BEND5: variants seen among roughly 807,000 people sequenced by gnomAD.
The protein encoded by BEND5 is BEN domain containing 5.
BEND5 carries 22 observed loss-of-function variants against 43.9 expected under a neutral mutation model. That is an observed-to-expected ratio of 0.50 (90% CI 0.36 to 0.72). The LOEUF (loss-of-function observed/expected upper bound fraction) is 0.72, where lower values mean the gene tolerates loss of function less well. Among genes scored for constraint, BEND5 ranks in the 30% least tolerant of loss-of-function variants. The pLI is 0.00. For synonymous variants in BEND5, 228 were observed against 225.9 expected, an observed-to-expected ratio of 1.01 and a Z score of -0.08; for missense variants, 428 against 550.6, an observed-to-expected ratio of 0.78 and a Z score of 2.23.
At chr1:48,772,031 C>G (rs1644861371) in intron 1 of BEND5, among the ~76,000 whole-genome samples, 1 of 152,216 alleles carries the variant, frequency 6.6e-6, no homozygotes, top group African/African-American at 2.4e-5. Flanking sequence ...TCCCTCTCCT[C>G]AAGCACAAAA....
chr1:48,773,913 T>C (rs931238090), intron 1 of BEND5, among the ~76,000 whole-genome samples: 10 of 152,198 alleles, frequency 6.6e-5, no homozygotes, highest in African/African-American at 1.9e-4. Flanking sequence ...GAGTTTTGTT[T>C]TTCCTTGAAC....
chr1:48,736,178 C>G lies in BEND5; in HGVS notation c.1108+61G>C. The G allele has an allele frequency of 6.5e-7, 1 of 1,531,162 alleles. No homozygotes were observed. The highest frequency in any genetic ancestry group is 9.0e-7 in the Non-Finnish European group (1 of 1,105,726). 94.8% of individuals were successfully genotyped at this position (1,531,162 alleles called of 1,614,324 possible). ...AATCGTTGAATTGAATTGTGCCTAA[C>G]ACATTCTTGACAGAGTAAAAGACAG... On this transcript the variant is annotated intron_variant, in intron 5 of 5. Transcript: ENST00000371833. The surrounding 1 kb of genome is among the most constrained non-coding windows in gnomAD (Gnocchi z 4.0).
chr1:48,760,242 C>G (rs1644183291), intron 2 of BEND5, among the ~76,000 whole-genome samples: 1 of 152,190 alleles, frequency 6.6e-6, no homozygotes, highest in South Asian at 2.1e-4. Context: ...ACAGCTTCTA[C>G]TGAGGGGCAG....
In BEND5 at chr1:48,776,790, G is replaced by A. The variant is rs1645114625; in HGVS notation, c.42C>T (p.Tyr14=). The A allele has an allele frequency of 2.6e-6, 4 of 1,524,922 alleles. No individual in the cohort carries two copies. Among genetic ancestry groups the A allele is most frequent in the Middle Eastern group, 1.7e-4 (1 of 5,722 alleles). 94.5% of individuals were successfully genotyped at this position (1,524,922 alleles called of 1,614,324 possible). A position where few individuals can be genotyped will look rare whatever the true frequency, so the allele number is the denominator to read the frequency against. ...FVRFLEDNVC[Y]ALPVSCVRDF... is the part of the protein sequence containing the mutation. ...CGCGCACGCACGACACGGGCAGCGC[G>A]TAGCAGACGTTGTCCTCCAGGAACC... The change falls in exon 1 of 6, where the codon TAC becomes TAT. Residue 14 remains tyrosine, a synonymous_variant. Transcript: ENST00000371833.
intron 1 of BEND5, among the ~76,000 whole-genome samples, chr1:48,771,654 A>G (rs1339485221): frequency 6.6e-6 from 1 of 152,204 alleles, no homozygotes; most frequent in Non-Finnish European, 1.5e-5. Flanking sequence ...CAAGAAAATA[A>G]ATCCTTTTGT....
At chr1:48,742,819 A>G in intron 3 of BEND5, 48 bp from the exon 4 acceptor site, 1 of 1,442,712 alleles carries the variant, frequency 6.9e-7, no homozygotes, top group South Asian at 1.5e-5. Flanking sequence ...AGGAAAATAA[A>G]AGGCAAATAT....
chr1:48,769,189 C>T (rs2148685242), intron 1 of BEND5, among the ~76,000 whole-genome samples: 1 of 152,262 alleles, frequency 6.6e-6, no homozygotes, highest in South Asian at 2.1e-4. Context: ...TGTAGGGTAA[C>T]AGTAGATGAG....
intron 1 of BEND5, among the ~76,000 whole-genome samples, chr1:48,768,647 T>G (rs76092393): frequency 6.6e-6 from 1 of 152,220 alleles, no homozygotes; most frequent in Non-Finnish European, 1.5e-5. Flanking sequence ...TAACTTCCAT[T>G]TGACATATAA....
At position 48,736,488 on chromosome 1, in the gene BEND5, C is replaced by T. The variant is rs145843040; in HGVS notation, c.895-36G>A. 370 of 1,579,052 alleles carry T rather than the reference C, an allele frequency of 2.3e-4. No individual in the cohort carries two copies. In the East Asian group the frequency reaches 3.3e-3, roughly 14 times the overall value. ...TAAGAACACCAGCACCTGTTTAGTC[C>T]GACAGGAGGGCAGTGGGAGGCTTCT... On this transcript the variant is annotated intron_variant, in intron 4 of 5. Transcript: ENST00000371833. The surrounding 1 kb of genome is among the most constrained non-coding windows in gnomAD (Gnocchi z 4.0).
chr1:48,750,671 T>C lies in BEND5; in HGVS notation c.746-7900A>G, dbSNP rs550255986. ...TCGGAACAGAGGAAGGATCCAATAA[T>C]GTTCCCTGCACAAAAACATTTCCCT... On this transcript the variant is annotated intron_variant, in intron 3 of 5. Transcript: ENST00000371833. Among the ~76,000 whole-genome samples, 64 of 152,322 alleles carry C rather than the reference T, an allele frequency of 4.2e-4. No homozygotes were observed. The South Asian group carries it at 7.5e-3, about 18-fold the overall frequency.
rs958587104 is a variant in BEND5 at position 48,727,828 on chromosome 1, G to A, written c.*58C>T. On this transcript the variant is annotated 3_prime_UTR_variant, in exon 6 of 6. Coordinates refer to ENST00000371833, the MANE Select transcript of BEND5 (RefSeq NM_024603.4). ...GGGGTCTGATTTGGACGGCACCATCGCTCGCAAATCACATGCCACACAAGG... is the reference window on the plus strand; with the variant it reads ...GGGGTCTGATTTGGACGGCACCATCACTCGCAAATCACATGCCACACAAGG... 8.0e-6 allele frequency: 12 copies of A among 1,499,034 alleles called. No individual in the cohort carries two copies. The highest frequency in any genetic ancestry group is 3.7e-5 in the South Asian group (3 of 80,728). The allele number at this position is 1,499,034 out of a possible 1,614,324, so 92.9% of individuals were successfully genotyped here. A position where few individuals can be genotyped will look rare whatever the true frequency, so the allele number is the denominator to read the frequency against.
At chr1:48,759,341 G>A in intron 2 of BEND5, 57 bp from the exon 3 acceptor site, 1 of 1,520,692 alleles carries the variant, frequency 6.6e-7, no homozygotes, top group Non-Finnish European at 8.8e-7. Context: ...TTCTTGGACT[G>A]CAGATCAATA....
intron 1 of BEND5, among the ~76,000 whole-genome samples, chr1:48,763,767 C>G (rs898151093): frequency 2.0e-5 from 3 of 152,168 alleles, no homozygotes; most frequent in Non-Finnish European, 4.4e-5. Flanking sequence ...AACCTCAGAT[C>G]ATCCGATTCT....
rs367903944 is a variant in BEND5, at chr1:48,759,148, C to T, written c.497G>A (p.Gly166Asp). The change falls in exon 3 of 6, where the codon GGC becomes GAC. Residue 166 changes from glycine to aspartate, a missense_variant. By Grantham distance (94) the Gly-to-Asp change is moderately conservative. Transcript: ENST00000371833. ...TTCTAGACTGTCCATGTCCTCTGTG[C>T]CTGGCGAGGCCTCCACGAAGACCTC... ...PEEVFVEASP[G>D]TEDMDSLEDA... 24 of 1,613,934 alleles carry T rather than the reference C, an allele frequency of 1.5e-5. No individual in the cohort carries two copies. The highest frequency in any genetic ancestry group is 2.0e-5 in the Non-Finnish European group (24 of 1,179,966).
At position 48,759,479 on chromosome 1, in the gene BEND5, T is replaced by A. The variant is rs1644138880; in HGVS notation, c.361-195A>T. 2.1e-5 allele frequency: 24 copies of A among 1,131,544 alleles called. No individual in the cohort carries two copies. In the South Asian group the frequency reaches 3.9e-4, roughly 18 times the overall value. 70.1% of individuals were successfully genotyped at this position (1,131,544 alleles called of 1,614,324 possible). A position where few individuals can be genotyped will look rare whatever the true frequency, so the allele number is the denominator to read the frequency against. ...CATTTTATAAATTTTATAAATGGGG[T>A]TCCGAGTGGGGAAGGGGCTTGCCCA... On this transcript the variant is annotated intron_variant, in intron 2 of 5. Transcript: ENST00000371833.
chr1:48,736,210 A>G lies in BEND5; in HGVS notation c.1108+29T>C. 2 of 1,589,732 alleles carry G rather than the reference A, an allele frequency of 1.3e-6. No homozygotes were observed. Among genetic ancestry groups the G allele is most frequent in the Non-Finnish European group, 1.7e-6 (2 of 1,158,012 alleles). On this transcript the variant is annotated intron_variant, in intron 5 of 5. Coordinates refer to ENST00000371833, the MANE Select transcript of BEND5 (RefSeq NM_024603.4). This position sits in a 1 kb window ranked among gnomAD's most constrained non-coding sequence, Gnocchi z 4.0. Reference sequence around the variant, plus strand: ...TTGACAGAGTAAAAGACAGAATCCCAGCCATTGTGTTTCCACTCAGTGACC... The same window carrying G: ...TTGACAGAGTAAAAGACAGAATCCCGGCCATTGTGTTTCCACTCAGTGACC...
In BEND5 at chr1:48,727,883, A is replaced by C. The variant is rs1389669909; in HGVS notation, c.*3T>G. The C allele has an allele frequency of 6.3e-7, 1 of 1,598,824 alleles. No individual in the cohort carries two copies. The highest frequency in any genetic ancestry group is 1.3e-5 in the African/African-American group (1 of 74,340). On this transcript the variant is annotated 3_prime_UTR_variant, in exon 6 of 6. Coordinates refer to ENST00000371833, the MANE Select transcript of BEND5 (RefSeq NM_024603.4). Reference sequence around the variant, plus strand: ...CACGAAAGCTTTATGAAAAATCCAAAGTTTATTGCAAATTGTATTTTGCTT... The same window carrying C: ...CACGAAAGCTTTATGAAAAATCCAACGTTTATTGCAAATTGTATTTTGCTT...
chr1:48,743,605 A>C (rs1650273066), intron 3 of BEND5, among the ~76,000 whole-genome samples: 1 of 152,228 alleles, frequency 6.6e-6, no homozygotes. Context: ...CTCCCCATGC[A>C]AACATTTCAG....
At chr1:48,742,951 A>C (rs1467116175) in intron 3 of BEND5, among the ~76,000 whole-genome samples, 180 bp from the exon 4 acceptor site, 1 of 152,206 alleles carries the variant, frequency 6.6e-6, no homozygotes, top group Non-Finnish European at 1.5e-5. Flanking sequence ...CACAAGGGAA[A>C]AGGTGGAAAA....
Sources: gnomAD v4.1 joint callset for allele counts (sites outside exome capture counted in the v4.1 genomes callset) on GRCh38, gnomAD v4.1.1 for gene constraint, Gnocchi (gnomAD v3.1) non-coding constraint, MANE v1.5 for transcripts, NCBI Gene and HGNC (gene_info 2026-07-23, HGNC 2026-07-21) for gene names.